LRRC4C: variants seen among roughly 807,000 people sequenced by gnomAD.
LRRC4C encodes leucine-rich repeat-containing protein 4C.
A neutral mutation model predicts 33.6 loss-of-function variants in LRRC4C; 5 were observed. The observed-to-expected ratio is 0.15, with a 90% CI of 0.08 to 0.31. The LOEUF (loss-of-function observed/expected upper bound fraction) is 0.31, where lower values mean the gene tolerates loss of function less well. Among genes scored for constraint, LRRC4C ranks in the 10% least tolerant of loss-of-function variants. The pLI, the probability that LRRC4C is intolerant of heterozygous loss-of-function variation, is 1.00. For missense variants in LRRC4C, 560 were observed against 796.7 expected (o/e 0.70, Z 3.58); for synonymous variants, 329 against 302.0 (o/e 1.09, Z -0.93).
chr11:40,522,278 C>G (rs890683408), intron 3 of LRRC4C, among the ~76,000 whole-genome samples: 1 of 152,228 alleles, frequency 6.6e-6, no homozygotes, highest in Non-Finnish European at 1.5e-5. Flanking sequence ...GATCCACCCA[C>G]CTCCACCTCC....
At chr11:41,252,315 C>T (rs1482552391) in intron 1 of LRRC4C, among the ~76,000 whole-genome samples, 1 of 152,070 alleles carries the variant, frequency 6.6e-6, no homozygotes, top group Non-Finnish European at 1.5e-5. Flanking sequence ...AGAGTGTACC[C>T]TATCTTTCTT....
At chr11:41,027,576 A>G (rs1856459068) in intron 1 of LRRC4C, among the ~76,000 whole-genome samples, 1 of 151,718 alleles carries the variant, frequency 6.6e-6, no homozygotes, top group Non-Finnish European at 1.5e-5. Context: ...ATGCAGTTAC[A>G]ATTCCATAGG....
chr11:40,938,146 A>G (rs1957987779), intron 1 of LRRC4C, among the ~76,000 whole-genome samples: 1 of 152,192 alleles, frequency 6.6e-6, no homozygotes, highest in South Asian at 2.1e-4. Flanking sequence ...GTTATCCTGC[A>G]TTGGCAGAAA....
At position 40,513,961 on chromosome 11, in the gene LRRC4C, A is replaced by G. The variant is rs532153834; in HGVS notation, c.-270+134181T>C. ...GACAAAGAGCCAACTGTCTCACCTT[A>G]AACTCTCAGTTCTCTCAGAGAATCT... is the stretch of plus-strand genomic sequence containing the variant. On this transcript the variant is annotated intron_variant, in intron 3 of 6. Coordinates refer to ENST00000528697, the MANE Select transcript of LRRC4C (RefSeq NM_001258419.2). 7.9e-5 allele frequency among the ~76,000 whole-genome samples: 12 copies of G among 152,310 alleles called. No individual in the cohort carries two copies. In the South Asian group the frequency reaches 2.5e-3, roughly 32 times the overall value.
chr11:40,217,833 T>C (rs1393818298), intron 5 of LRRC4C, among the ~76,000 whole-genome samples: 3 of 152,100 alleles, frequency 2.0e-5, no homozygotes, highest in African/African-American at 7.2e-5. Context: ...AAATACAAAG[T>C]TTGAAAAGTA....
chr11:40,715,836 C>A (rs150701070), intron 2 of LRRC4C, among the ~76,000 whole-genome samples: 1 of 152,060 alleles, frequency 6.6e-6, no homozygotes, highest in African/African-American at 2.4e-5. Context: ...ATCAGCCTAG[C>A]CAAAGTGGTG....
chr11:40,492,922 A>G (rs1196180028), intron 3 of LRRC4C, among the ~76,000 whole-genome samples: 10 of 152,122 alleles, frequency 6.6e-5, no homozygotes, highest in Admixed American at 5.9e-4. Flanking sequence ...CTACATTGCT[A>G]GAATTTTATA....
intron 4 of LRRC4C, among the ~76,000 whole-genome samples, chr11:40,302,204 G>T (rs2136673498): frequency 6.6e-6 from 1 of 152,282 alleles, no homozygotes; most frequent in South Asian, 2.1e-4. Context: ...TTACGTGAGT[G>T]AGTGTTTGAC....
chr11:41,457,447 C>A (rs1590342080), intron 1 of LRRC4C, among the ~76,000 whole-genome samples: 1 of 152,122 alleles, frequency 6.6e-6, no homozygotes, highest in African/African-American at 2.4e-5. Flanking sequence ...AATACCCTGC[C>A]ATGACCCATT....
intron 1 of LRRC4C, among the ~76,000 whole-genome samples, chr11:41,160,165 A>G (rs763234460): frequency 5.9e-5 from 9 of 152,104 alleles, no homozygotes; most frequent in Non-Finnish European, 7.4e-5. Flanking sequence ...TGCTTCTGCC[A>G]TAAGAGTTGA....
At chr11:41,026,631 C>T (rs1856383414) in intron 1 of LRRC4C, among the ~76,000 whole-genome samples, 1 of 150,962 alleles carries the variant, frequency 6.6e-6, no homozygotes. Flanking sequence ...ATTAATGTGG[C>T]AAATTGCATT....
At chr11:40,592,062 C>T (rs1289583408) in intron 3 of LRRC4C, among the ~76,000 whole-genome samples, 5 of 152,230 alleles carry the variant, frequency 3.3e-5, no homozygotes, top group South Asian at 4.1e-4. Context: ...GTTTATTGTG[C>T]CTCAGTTTGC....
chr11:41,185,895 A>T (rs550529205), intron 1 of LRRC4C, among the ~76,000 whole-genome samples: 2 of 152,176 alleles, frequency 1.3e-5, no homozygotes, highest in African/African-American at 4.8e-5. Context: ...AAAGATGTAA[A>T]TTAAATTAAA....
intron 3 of LRRC4C, among the ~76,000 whole-genome samples, chr11:40,475,405 A>G (rs1035044771): frequency 6.6e-6 from 1 of 152,102 alleles, no homozygotes; most frequent in African/African-American, 2.4e-5. Flanking sequence ...GAACAATGAG[A>G]ATACATGGAC....
intron 2 of LRRC4C, among the ~76,000 whole-genome samples, chr11:40,911,174 T>C (rs1340470719): frequency 6.6e-6 from 1 of 152,190 alleles, no homozygotes; most frequent in Non-Finnish European, 1.5e-5. Context: ...TAAATGTCCC[T>C]GTCTGACAGC....
chr11:40,423,820 A>T (rs1228230820), intron 3 of LRRC4C, among the ~76,000 whole-genome samples: 2 of 152,218 alleles, frequency 1.3e-5, no homozygotes, highest in Non-Finnish European at 2.9e-5. Flanking sequence ...AAAATTAGTA[A>T]AAATCAGTAA....
At chr11:41,456,987 C>T (rs185403375) in intron 1 of LRRC4C, among the ~76,000 whole-genome samples, 5 of 152,288 alleles carry the variant, frequency 3.3e-5, no homozygotes, top group Admixed American at 3.3e-4. Context: ...AGTTGGCCCC[C>T]ACTTCTATTA....
At chr11:41,090,895 G>A (rs1438849931) in intron 1 of LRRC4C, among the ~76,000 whole-genome samples, 8 of 152,120 alleles carry the variant, frequency 5.3e-5, no homozygotes, top group Non-Finnish European at 8.8e-5. Flanking sequence ...CAGCCAGGCA[G>A]AACTGTGAGT....
At chr11:40,542,241 C>T (rs9667449) in intron 3 of LRRC4C, among the ~76,000 whole-genome samples, 51,790 of 151,860 alleles carry the variant, frequency 0.34, 10,607 homozygotes, top group East Asian at 0.65. Flanking sequence ...ATTCTCTGCA[C>T]CCCACCCCAA....
Sources: gnomAD v4.1 joint callset for allele counts (sites outside exome capture counted in the v4.1 genomes callset) on GRCh38, gnomAD v4.1.1 for gene constraint, MANE v1.5 for transcripts, NCBI Gene and HGNC (gene_info 2026-07-23, HGNC 2026-07-21) for gene names.